UPP2: variants seen among roughly 807,000 people sequenced by gnomAD.
The protein encoded by UPP2 is UPase 2.
A neutral mutation model predicts 26.7 loss-of-function variants in UPP2; 23 were observed. That is an observed-to-expected ratio of 0.86 (90% CI 0.62 to 1.22). UPP2 has a LOEUF of 1.22. UPP2 is among the 50% of genes most tolerant of loss of function. The probability of loss-of-function intolerance (pLI) is 0.00; values close to 1 mark genes in which losing one functional copy is unlikely to be tolerated. For missense variants in UPP2, 387 were observed against 396.7 expected (o/e 0.98, Z 0.21); for synonymous variants, 127 against 141.3 (o/e 0.90, Z 0.72).
chr2:158,107,912 G>A (rs1174301073), intron 2 of UPP2, among the ~76,000 whole-genome samples: 1 of 152,036 alleles, frequency 6.6e-6, no homozygotes, highest in Non-Finnish European at 1.5e-5. Context: ...TGCTGTTTTG[G>A]TTTACTTATG....
At chr2:158,124,775 C>A (rs1461618741) in intron 6 of UPP2, among the ~76,000 whole-genome samples, 1 of 152,162 alleles carries the variant, frequency 6.6e-6, no homozygotes, top group Non-Finnish European at 1.5e-5. Flanking sequence ...TTAAAAATGA[C>A]TCCCATGTTT....
chr2:158,051,157 A>ATGTG (rs57745839), intron 3 of UPP2, among the ~76,000 whole-genome samples: 4,514 of 144,974 alleles, frequency 0.031, 121 homozygotes, highest in African/African-American at 0.06. Flanking sequence ...CTCTAGGAAT[A>ATGTG]TGTGTGTGTG....
At chr2:158,133,034 T>C (rs890157542) in intron 6 of UPP2, among the ~76,000 whole-genome samples, 2 of 152,156 alleles carry the variant, frequency 1.3e-5, no homozygotes, top group Non-Finnish European at 2.9e-5. Context: ...CTGAAGGAAC[T>C]GGTATCAGTG....
At chr2:158,104,965 G>A (rs1339230783) in intron 1 of UPP2, among the ~76,000 whole-genome samples, 1 of 75,494 alleles carries the variant, frequency 1.3e-5, no homozygotes, top group South Asian at 6.7e-4. Context: ...GGGAAGGGAA[G>A]GGAAGGGAAG....
intron 3 of UPP2, among the ~76,000 whole-genome samples, chr2:158,030,403 G>A (rs1683905538): frequency 6.6e-6 from 1 of 152,060 alleles, no homozygotes; most frequent in African/African-American, 2.4e-5. Flanking sequence ...CTTTTCCTTT[G>A]GCTGTTCTTA....
At chr2:158,008,004 C>T (rs1286377572) in intron 2 of UPP2, among the ~76,000 whole-genome samples, 3 of 152,116 alleles carry the variant, frequency 2.0e-5, no homozygotes, top group Non-Finnish European at 4.4e-5. Context: ...AATTTTCAAG[C>T]TCAGGATCTA....
intron 4 of UPP2, among the ~76,000 whole-genome samples, chr2:158,120,407 A>G (rs763050027): frequency 2.4e-4 from 36 of 152,194 alleles, no homozygotes; most frequent in Non-Finnish European, 3.8e-4. Context: ...GCTATAATCT[A>G]TGGCATCTTT....
At chr2:158,020,206 G>T (rs913201744) in intron 3 of UPP2, among the ~76,000 whole-genome samples, 1 of 152,166 alleles carries the variant, frequency 6.6e-6, no homozygotes, top group Non-Finnish European at 1.5e-5. Flanking sequence ...GAGTGTTTTC[G>T]AAGTGTTTGA....
intron 2 of UPP2, among the ~76,000 whole-genome samples, chr2:158,012,350 C>A (rs1402290071): frequency 6.8e-6 from 1 of 147,204 alleles, no homozygotes; most frequent in Non-Finnish European, 1.5e-5. Flanking sequence ...TCGCTGCAAC[C>A]TCTGCCTACC....
rs558287372 is a variant in UPP2 at position 158,130,450 on chromosome 2, C to CAA, written c.812-4288_812-4287dup. Among the ~76,000 whole-genome samples the CAA allele has an allele frequency of 8.5e-3, 1,119 of 131,706 alleles. 12 individuals carry two copies. Among genetic ancestry groups the CAA allele is most frequent in the African/African-American group, 0.028 (945 of 34,302 alleles). The allele number at this position is 131,706 out of a possible 152,430, so 86.4% of individuals were successfully genotyped here. On this transcript the variant is annotated intron_variant, in intron 6 of 6. Coordinates refer to ENST00000005756, the MANE Select transcript of UPP2 (RefSeq NM_173355.4). ...TGGGTGACAGAGCAAGAATCCGTCT[C>CAA]AAAAAAAAAAACAAAAAAAAAAAAC...
intron 3 of UPP2, among the ~76,000 whole-genome samples, chr2:158,022,973 T>C (rs149269245): frequency 6.2e-4 from 94 of 152,200 alleles, no homozygotes; most frequent in African/African-American, 2.1e-3. Flanking sequence ...CTCAGAGCAG[T>C]GGCACCTGGG....
intron 4 of UPP2, among the ~76,000 whole-genome samples, chr2:158,118,966 C>G (rs971732118): frequency 6.6e-6 from 1 of 151,920 alleles, no homozygotes; most frequent in African/African-American, 2.4e-5. Flanking sequence ...GAAAGTAGGA[C>G]CTTTGTGGAT....
intron 3 of UPP2, among the ~76,000 whole-genome samples, chr2:158,029,686 AG>A (rs11323864): frequency 0.18 from 27,592 of 152,092 alleles, 3,526 homozygotes; most frequent in East Asian, 0.36. Flanking sequence ...TTTCCTTCAA[AG>A]TTATTTCACA....
At chr2:158,085,007 AT>A (rs1304107883) in intron 3 of UPP2, among the ~76,000 whole-genome samples, 2 of 151,702 alleles carry the variant, frequency 1.3e-5, no homozygotes, top group African/African-American at 4.8e-5. Context: ...GAATTTTAGA[AT>A]TTTTTTCTAG....
At chr2:158,064,018 C>T (rs1682395791) in intron 3 of UPP2, among the ~76,000 whole-genome samples, 1 of 152,100 alleles carries the variant, frequency 6.6e-6, no homozygotes. Context: ...GGGTTGGTTC[C>T]AAATCTTTGC....
chr2:158,130,465 A>C (rs199534801), intron 6 of UPP2, among the ~76,000 whole-genome samples: 57 of 148,432 alleles, frequency 3.8e-4, no homozygotes, highest in Non-Finnish European at 3.4e-4. Context: ...AAAAAAACAA[A>C]AAAAAAAAAC....
At chr2:158,067,143 G>A (rs1682449339) in intron 3 of UPP2, among the ~76,000 whole-genome samples, 1 of 151,940 alleles carries the variant, frequency 6.6e-6, no homozygotes, top group Admixed American at 6.6e-5. Context: ...ATTTTTATAT[G>A]CCTTTTGAGC....
intron 6 of UPP2, among the ~76,000 whole-genome samples, chr2:158,125,234 T>G (rs1215369185): frequency 1.3e-5 from 2 of 151,738 alleles, no homozygotes; most frequent in African/African-American, 4.9e-5. Context: ...CAATGAATTT[T>G]AATCTACACA....
intron 2 of UPP2, among the ~76,000 whole-genome samples, chr2:158,110,369 G>T (rs181473222): frequency 1.3e-4 from 20 of 151,918 alleles, no homozygotes; most frequent in African/African-American, 4.6e-4. Context: ...ATTCCATGGT[G>T]TATTTGCTTA....
Sources: gnomAD v4.1 joint callset for allele counts (sites outside exome capture counted in the v4.1 genomes callset) on GRCh38, gnomAD v4.1.1 for gene constraint, MANE v1.5 for transcripts, NCBI Gene and HGNC (gene_info 2026-07-23, HGNC 2026-07-21) for gene names.